Variants in PRORP observed in about 807,000 individuals in gnomAD.
The protein encoded by PRORP is mitochondrial ribonuclease P catalytic subunit.
Under a neutral mutation model 59.4 loss-of-function variants are expected in PRORP, and 51 were observed. The ratio of observed to expected loss-of-function variants is 0.86; its 90% CI spans 0.69 to 1.08. The LOEUF (loss-of-function observed/expected upper bound fraction) is 1.08. PRORP is among the 50% of genes least tolerant of loss of function. PRORP has a pLI of 0.00. For missense variants in PRORP, 646 were observed against 690.3 expected, an observed-to-expected ratio of 0.94 and a Z score of 0.72; for synonymous variants, 231 against 245.6, an observed-to-expected ratio of 0.94 and a Z score of 0.55.
Position 35,124,018 on chromosome 14 carries a change from A to G in PRORP, c.773A>G (p.Gln258Arg), listed in dbSNP as rs572869499. 6.2e-7 allele frequency: 1 copy of G among 1,613,990 alleles called. No individual in the cohort carries two copies. Among genetic ancestry groups the G allele is most frequent in the Non-Finnish European group, 8.5e-7 (1 of 1,179,952 alleles). ...TGTATCCAGGGAGCTCTCCTTCATCAAGATGTAAACACAGCTTGGAATTTA... is the reference window on the plus strand; with the variant it reads ...TGTATCCAGGGAGCTCTCCTTCATCGAGATGTAAACACAGCTTGGAATTTA... ...NDCIQGALLH[Q>R]DVNTAWNLYQ... is the part of the protein sequence containing the mutation. Residue 258 changes from glutamine to arginine, a missense_variant, in exon 2 of 8, where the codon CAA becomes CGA. Physicochemically the swap from Gln to Arg is conservative, Grantham distance 43. Transcript: ENST00000534898.
At chr14:35,244,979 G>A (rs1042329660) in intron 5 of PRORP, among the ~76,000 whole-genome samples, 3 of 152,230 alleles carry the variant, frequency 2.0e-5, no homozygotes, top group African/African-American at 7.2e-5. Flanking sequence ...GATAAGCTGA[G>A]CAAGGTCTTT....
chr14:35,248,441 T>C (rs2050536073), intron 5 of PRORP, among the ~76,000 whole-genome samples: 1 of 152,218 alleles, frequency 6.6e-6, no homozygotes, highest in Non-Finnish European at 1.5e-5. Context: ...CATCTTCCAT[T>C]TCTCTCATTT....
chr14:35,163,957 G>T (rs11844257), intron 4 of PRORP, among the ~76,000 whole-genome samples: 9,050 of 152,204 alleles, frequency 0.059, 484 homozygotes, highest in Admixed American at 0.18. Context: ...TGTGGTGAAA[G>T]GTAAGGGTCC....
At chr14:35,245,809 C>G (rs370704613) in intron 5 of PRORP, among the ~76,000 whole-genome samples, 9 of 152,122 alleles carry the variant, frequency 5.9e-5, no homozygotes, top group Admixed American at 2.6e-4. Flanking sequence ...TTCCCATTAC[C>G]GCTCTCCTGT....
chr14:35,183,356 A>G (rs1025693194), intron 5 of PRORP, among the ~76,000 whole-genome samples: 2 of 152,164 alleles, frequency 1.3e-5, no homozygotes, highest in African/African-American at 4.8e-5. Context: ...TTCTTTTACC[A>G]TGAGTATATA....
rs2047007144 is a variant in PRORP at position 35,123,694 on chromosome 14, G to A, written c.449G>A (p.Gly150Asp). 18 of 1,614,214 alleles carry A rather than the reference G, an allele frequency of 1.1e-5. No homozygotes were observed. The highest frequency in any genetic ancestry group is 1.4e-5 in the Non-Finnish European group (17 of 1,180,044). ...AGTTGGATCATTTCACAGATGGCTG[G>A]CTGTCATAGCTCTATAGATGTGGCT... The part of the protein sequence containing the change: ...FESWIISQMA[G>D]CHSSIDVAKS... The change falls in exon 2 of 8, where the codon GGC becomes GAC. Residue 150 changes from glycine to aspartate, a missense_variant. By Grantham distance (94) the Gly-to-Asp change is moderately conservative. Transcript: ENST00000534898.
intron 5 of PRORP, among the ~76,000 whole-genome samples, chr14:35,263,602 C>T (rs560286092): frequency 2.0e-5 from 3 of 152,148 alleles, no homozygotes; most frequent in African/African-American, 4.8e-5. Flanking sequence ...GTAGGAGAAT[C>T]GCTTGAACCT....
chr14:35,194,005 A>C (rs2048949650), intron 5 of PRORP, among the ~76,000 whole-genome samples: 1 of 151,948 alleles, frequency 6.6e-6, no homozygotes, highest in South Asian at 2.1e-4. Context: ...TCTTTTTCAA[A>C]TATATATATG....
rs975866058 is a variant in PRORP, at chr14:35,275,520, A to G, written c.*1954A>G. Reference sequence around the variant, plus strand: ...TTATTTTCCAAATTTCATAAACTACATACTTAGGAAACTGTGCTTTCAGTG... The same window carrying G: ...TTATTTTCCAAATTTCATAAACTACGTACTTAGGAAACTGTGCTTTCAGTG... On this transcript the variant is annotated 3_prime_UTR_variant, in exon 8 of 8. Transcript: ENST00000534898. 12 of 152,254 alleles carry G rather than the reference A, an allele frequency of 7.9e-5. No homozygotes were observed. Among genetic ancestry groups the G allele is most frequent in the African/African-American group, 2.9e-4 (12 of 41,478 alleles). 9.4% of individuals were successfully genotyped at this position (152,254 alleles called of 1,614,324 possible).
chr14:35,225,578 C>T (rs1454912468), intron 5 of PRORP, among the ~76,000 whole-genome samples: 3 of 152,064 alleles, frequency 2.0e-5, no homozygotes, highest in African/African-American at 7.2e-5. Context: ...AACTCCTGAG[C>T]TCAGGTGATC....
chr14:35,122,188 A>G (rs1425732545), upstream of PRORP: 1 of 556,538 alleles, frequency 1.8e-6, no homozygotes, highest in African/African-American at 1.9e-5. Flanking sequence ...AAGAGATGGA[A>G]AATGGTTCTC....
intron 5 of PRORP, among the ~76,000 whole-genome samples, chr14:35,206,130 T>G (rs2049287688): frequency 6.6e-6 from 1 of 152,238 alleles, no homozygotes; most frequent in Non-Finnish European, 1.5e-5. Context: ...TTGCAGAATG[T>G]TTGGTGACTC....
At position 35,271,507 on chromosome 14, in the gene PRORP, G is replaced by A. The variant is rs1196049736; in HGVS notation, c.1620+911G>A. Among the ~76,000 whole-genome samples the A allele has an allele frequency of 2.0e-5, 3 of 152,046 alleles. No homozygotes were observed. In the East Asian group the frequency reaches 5.8e-4, roughly 29 times the overall value. On this transcript the variant is annotated intron_variant, in intron 7 of 7. Coordinates refer to ENST00000534898, the MANE Select transcript of PRORP (RefSeq NM_014672.4). ...TTTTTATTTTTGTTTATTTGCAATA[G>A]CTCAAATTCTTTATTTCTTATAGTT...
intron 5 of PRORP, among the ~76,000 whole-genome samples, chr14:35,204,135 A>T (rs1268638961): frequency 1.3e-5 from 2 of 152,154 alleles, no homozygotes; most frequent in Non-Finnish European, 2.9e-5. Flanking sequence ...TACTCTGCTT[A>T]TTTACCTTTC....
chr14:35,198,349 G>A (rs570431410), intron 5 of PRORP, among the ~76,000 whole-genome samples: 275 of 152,304 alleles, frequency 1.8e-3, no homozygotes, highest in African/African-American at 6.4e-3. Flanking sequence ...GTTACGAACC[G>A]GTGAATGGAT....
At chr14:35,126,338 T>G (rs967076468) in intron 2 of PRORP, among the ~76,000 whole-genome samples, 1 of 152,216 alleles carries the variant, frequency 6.6e-6, no homozygotes. Context: ...ACATTCTCAA[T>G]TTAATTGGGA....
chr14:35,213,424 T>C (rs1283987064), intron 5 of PRORP, among the ~76,000 whole-genome samples: 1 of 152,066 alleles, frequency 6.6e-6, no homozygotes, highest in Admixed American at 6.6e-5. Context: ...AGATCCTGTC[T>C]CCTTAAAAAA....
chr14:35,196,741 C>A (rs1350504523), intron 5 of PRORP, among the ~76,000 whole-genome samples: 1 of 152,120 alleles, frequency 6.6e-6, no homozygotes, highest in African/African-American at 2.4e-5. Context: ...TCAAACAGTG[C>A]CAGGCTGACT....
chr14:35,166,335 A>C (rs2048183771), intron 4 of PRORP, among the ~76,000 whole-genome samples: 1 of 151,754 alleles, frequency 6.6e-6, no homozygotes, highest in East Asian at 1.9e-4. Flanking sequence ...TCTCTCCTTA[A>C]AGCTTATTGC....
Sources: allele counts gnomAD v4.1 joint callset (sites outside exome capture counted in the v4.1 genomes callset), GRCh38; gene constraint gnomAD v4.1.1; transcripts MANE v1.5; gene names NCBI Gene and HGNC (gene_info 2026-07-23, HGNC 2026-07-21).